ACAP2: variants seen among roughly 807,000 people sequenced by gnomAD.
ACAP2 encodes ArfGAP with coiled-coil, ankyrin repeat and PH domains 2, also known as arf-GAP with coiled-coil, ANK repeat and PH domain-containing protein 2.
A neutral mutation model predicts 115.8 loss-of-function variants in ACAP2; 39 were observed. The observed-to-expected ratio is 0.34, with a 90% CI of 0.26 to 0.44. The LOEUF is 0.44. Ranked by LOEUF, ACAP2 falls within the 20% of genes least tolerant of loss-of-function variation. The pLI, the probability that ACAP2 is intolerant of heterozygous loss-of-function variation, is 1.00. For synonymous variants in ACAP2, 289 were observed against 315.8 expected, an observed-to-expected ratio of 0.92 and a Z score of 0.90; for missense variants, 662 against 927.6, an observed-to-expected ratio of 0.71 and a Z score of 3.72.
At chr3:195,310,077 T>G (rs891680222) in intron 10 of ACAP2, among the ~76,000 whole-genome samples, 1 of 152,118 alleles carries the variant, frequency 6.6e-6, no homozygotes, top group Admixed American at 6.6e-5. Flanking sequence ...TTAGCAGATA[T>G]TCTACCTTTT....
intron 4 of ACAP2, among the ~76,000 whole-genome samples, chr3:195,362,067 C>T (rs557236884): frequency 1.3e-5 from 2 of 152,274 alleles, no homozygotes; most frequent in African/African-American, 4.8e-5. Context: ...AATCCTAGCA[C>T]TTTGGGAGGC....
intron 10 of ACAP2, among the ~76,000 whole-genome samples, chr3:195,314,200 T>A (rs111485745): frequency 1.2e-5 from 1 of 82,242 alleles, no homozygotes; most frequent in Non-Finnish European, 2.6e-5. Context: ...AATTTTGTTG[T>A]TTTTTTTTTT....
intron 4 of ACAP2, among the ~76,000 whole-genome samples, chr3:195,371,532 T>C (rs1733143048): frequency 6.6e-6 from 1 of 152,218 alleles, no homozygotes; most frequent in Non-Finnish European, 1.5e-5. Context: ...TCTTCCTATT[T>C]GGATGCCCTT....
At chr3:195,296,230 C>A (rs941186835) in intron 16 of ACAP2, among the ~76,000 whole-genome samples, 2 of 151,362 alleles carry the variant, frequency 1.3e-5, no homozygotes, top group African/African-American at 4.9e-5. Flanking sequence ...AAAAAAAAAA[C>A]TTAAAAATTT....
intron 6 of ACAP2, among the ~76,000 whole-genome samples, chr3:195,341,042 A>G (rs921668093): frequency 3.9e-5 from 6 of 152,216 alleles, no homozygotes; most frequent in Admixed American, 2.0e-4. Context: ...TTCTGTGATC[A>G]TTGTGAAGTA....
chr3:195,377,555 C>A (rs945739804), intron 4 of ACAP2, among the ~76,000 whole-genome samples: 2 of 152,084 alleles, frequency 1.3e-5, no homozygotes, highest in African/African-American at 4.8e-5. Flanking sequence ...CCCTAGCCAT[C>A]GTCTAATTAA....
At chr3:195,403,582 A>G (rs759512747) in intron 1 of ACAP2, among the ~76,000 whole-genome samples, 2 of 152,264 alleles carry the variant, frequency 1.3e-5, no homozygotes, top group African/African-American at 2.4e-5. Context: ...TGTAGAACCA[A>G]GAGGATTTCT....
At chr3:195,433,075 G>C (rs1354200906) in intron 1 of ACAP2, among the ~76,000 whole-genome samples, 1 of 151,992 alleles carries the variant, frequency 6.6e-6, no homozygotes, top group Admixed American at 6.6e-5. Context: ...ATAGGACATT[G>C]GTTCCAGGAC....
intron 8 of ACAP2, among the ~76,000 whole-genome samples, chr3:195,329,979 T>G (rs1730057983): frequency 1.3e-5 from 2 of 152,090 alleles, no homozygotes; most frequent in Non-Finnish European, 2.9e-5. Context: ...ATGAAAATCT[T>G]CATGTATGGT....
chr3:195,434,643 T>C (rs1287314574), intron 1 of ACAP2, among the ~76,000 whole-genome samples: 1 of 152,230 alleles, frequency 6.6e-6, no homozygotes, highest in Admixed American at 6.5e-5. Flanking sequence ...TCCTCTTCTA[T>C]TTCTTAAAGG....
intron 6 of ACAP2, among the ~76,000 whole-genome samples, chr3:195,337,897 C>T (rs998723230): frequency 4.6e-5 from 7 of 152,190 alleles, no homozygotes; most frequent in South Asian, 2.1e-4. Flanking sequence ...TTCTGTACTC[C>T]GACCTGAGCC....
At chr3:195,285,707 G>GA (rs1726799813) in intron 22 of ACAP2, 89 bp downstream of exon 22, 3 of 1,100,002 alleles carry the variant, frequency 2.7e-6, no homozygotes, top group African/African-American at 1.6e-5. Flanking sequence ...GTTTGCTAAA[G>GA]AACTATGAAT....
At chr3:195,385,768 T>C (rs1441396548) in intron 2 of ACAP2, among the ~76,000 whole-genome samples, 1 of 152,198 alleles carries the variant, frequency 6.6e-6, no homozygotes, top group African/African-American at 2.4e-5. Flanking sequence ...ATCAGTTGGT[T>C]TCACCAAACA....
intron 17 of ACAP2, chr3:195,295,149 A>G (rs1294618422): frequency 6.3e-6 from 7 of 1,110,392 alleles, no homozygotes; most frequent in South Asian, 2.6e-5. Context: ...ACACCGCACA[A>G]TGACCACTGG....
intron 7 of ACAP2, among the ~76,000 whole-genome samples, chr3:195,334,744 C>T (rs1454424980): frequency 6.6e-6 from 1 of 152,064 alleles, no homozygotes; most frequent in Non-Finnish European, 1.5e-5. Context: ...TCCATTTTCA[C>T]ACAATATTAG....
intron 4 of ACAP2, among the ~76,000 whole-genome samples, chr3:195,357,039 T>G (rs1732019316): frequency 6.6e-6 from 1 of 151,924 alleles, no homozygotes; most frequent in Non-Finnish European, 1.5e-5. Flanking sequence ...GGGTCCCTGA[T>G]TCCAGAGAAC....
At chr3:195,339,249 A>G (rs1000808658) in intron 6 of ACAP2, among the ~76,000 whole-genome samples, 1 of 152,022 alleles carries the variant, frequency 6.6e-6, no homozygotes, top group Non-Finnish European at 1.5e-5. Context: ...AAAAACAGAA[A>G]CAAAAGACTA....
intron 6 of ACAP2, among the ~76,000 whole-genome samples, chr3:195,339,068 T>A (rs1282342049): frequency 6.6e-6 from 1 of 151,986 alleles, no homozygotes; most frequent in African/African-American, 2.4e-5. Context: ...CCATCTCTAC[T>A]AAAAATACAA....
At chr3:195,396,793 GAAAAAAAAAAA>G (rs62983860) in intron 1 of ACAP2, among the ~76,000 whole-genome samples, 7 of 91,820 alleles carry the variant, frequency 7.6e-5, no homozygotes, top group African/African-American at 1.7e-4. Flanking sequence ...TCTCAAAAAA[GAAAAAAAAAAA>G]AAAAAAAAAA....
Sources: gnomAD v4.1 joint callset for allele counts (sites outside exome capture counted in the v4.1 genomes callset) on GRCh38, gnomAD v4.1.1 for gene constraint, MANE v1.5 for transcripts, NCBI Gene and HGNC (gene_info 2026-07-23, HGNC 2026-07-21) for gene names.